Variants in LIN7A observed in about 807,000 individuals in gnomAD.
LIN7A encodes the protein lin-7 cell polarity scaffold A, also known as protein lin-7 homolog A.
In LIN7A, 25 loss-of-function variants were observed where a neutral mutation model predicts 29.8. The ratio of observed to expected loss-of-function variants is 0.84; its 90% CI spans 0.61 to 1.17. The LOEUF (loss-of-function observed/expected upper bound fraction) is 1.17, where lower values mean the gene tolerates loss of function less well. Among genes scored for constraint, LIN7A ranks in the 50% most tolerant of loss-of-function variants. LIN7A has a pLI of 0.00. For synonymous variants in LIN7A, 118 were observed against 107.5 expected (o/e 1.10, Z -0.60); for missense variants, 239 against 287.0 (o/e 0.83, Z 1.21).
At chr12:80,836,935 ATT>A (rs542423797) in intron 4 of LIN7A, among the ~76,000 whole-genome samples, 1 of 142,974 alleles carries the variant, frequency 7.0e-6, no homozygotes, top group African/African-American at 2.5e-5. Flanking sequence ...TTTCACGTAC[ATT>A]TTTTTTTTTT....
chr12:80,819,449 G>T (rs935317706), intron 4 of LIN7A, among the ~76,000 whole-genome samples: 1 of 152,244 alleles, frequency 6.6e-6, no homozygotes, highest in Non-Finnish European at 1.5e-5. Flanking sequence ...TATCACAAGT[G>T]CACTATAATT....
At chr12:80,833,673 T>C (rs1872480245) in intron 4 of LIN7A, among the ~76,000 whole-genome samples, 1 of 152,234 alleles carries the variant, frequency 6.6e-6, no homozygotes, top group Admixed American at 6.5e-5. Context: ...ACTCTTTAGC[T>C]ACAAACATGT....
Position 80,793,993 on chromosome 12 carries a change from A to G in LIN7A, c.*3734T>C, listed in dbSNP as rs952355040. On this transcript the variant is annotated 3_prime_UTR_variant, in exon 6 of 6. Transcript: ENST00000552864. ...AACATTGTTCCTTATCCACTGTTCA[A>G]ATGTCCTCAAATCTTTGAAGCCTTT... The G allele has an allele frequency of 6.6e-6, 1 of 152,190 alleles. No homozygotes were observed. Among genetic ancestry groups the G allele is most frequent in the African/African-American group, 2.4e-5 (1 of 41,458 alleles). 9.4% of individuals were successfully genotyped at this position (152,190 alleles called of 1,614,324 possible).
intron 2 of LIN7A, among the ~76,000 whole-genome samples, chr12:80,888,714 A>C (rs1052078726): frequency 5.9e-5 from 9 of 152,170 alleles, no homozygotes; most frequent in Non-Finnish European, 1.5e-5. Flanking sequence ...ACAAAATTCA[A>C]ATAGTCATTT....
chr12:80,846,910 G>A (rs1394858353), intron 3 of LIN7A, among the ~76,000 whole-genome samples: 4 of 152,142 alleles, frequency 2.6e-5, no homozygotes, highest in African/African-American at 9.7e-5. Flanking sequence ...GATCACAGTT[G>A]ATTAGATGCC....
intron 2 of LIN7A, among the ~76,000 whole-genome samples, chr12:80,887,619 G>C (rs1372050232): frequency 1.3e-5 from 2 of 152,006 alleles, no homozygotes; most frequent in Admixed American, 6.6e-5. Flanking sequence ...TTTTATTGCT[G>C]ATCATATTAA....
intron 4 of LIN7A, among the ~76,000 whole-genome samples, chr12:80,831,464 GT>G (rs1177835992): frequency 6.6e-6 from 1 of 152,034 alleles, no homozygotes; most frequent in Non-Finnish European, 1.5e-5. Context: ...TATTTGATTT[GT>G]TTTATTTACA....
rs1205591411 is a variant in LIN7A at position 80,793,774 on chromosome 12, T to C, written c.*3953A>G. On this transcript the variant is annotated 3_prime_UTR_variant, in exon 6 of 6. Coordinates refer to ENST00000552864, the MANE Select transcript of LIN7A (RefSeq NM_004664.4). ...GTGTCTCCAATTATTATGAATTTCTTAGAGAATGGTTGTTAATAAATATCA... is the reference window on the plus strand; with the variant it reads ...GTGTCTCCAATTATTATGAATTTCTCAGAGAATGGTTGTTAATAAATATCA... The C allele has an allele frequency of 6.6e-6, 1 of 152,172 alleles. No individual in the cohort carries two copies. Among genetic ancestry groups the C allele is most frequent in the African/African-American group, 2.4e-5 (1 of 41,448 alleles). The allele number at this position is 152,172 out of a possible 1,614,324, so 9.4% of individuals were successfully genotyped here.
Position 80,848,064 on chromosome 12 carries a change from A to G in LIN7A, c.273+187T>C, listed in dbSNP as rs1592891513. ...TTCTCCTTTCTTAAGCTACAGAAGCAGCAGAAACGTTCAATTTTCCATTAG... is the reference window on the plus strand; with the variant it reads ...TTCTCCTTTCTTAAGCTACAGAAGCGGCAGAAACGTTCAATTTTCCATTAG... On this transcript the variant is annotated intron_variant, in intron 3 of 5. Transcript: ENST00000552864. 4.4e-6 allele frequency: 3 copies of G among 684,302 alleles called. No individual in the cohort carries two copies. The East Asian group carries it at 8.4e-5, about 19-fold the overall frequency. The allele number at this position is 684,302 out of a possible 1,614,324, so 42.4% of individuals were successfully genotyped here. A position where few individuals can be genotyped will look rare whatever the true frequency, so the allele number is the denominator to read the frequency against.
At chr12:80,887,965 T>G (rs552490474) in intron 2 of LIN7A, among the ~76,000 whole-genome samples, 1 of 152,194 alleles carries the variant, frequency 6.6e-6, no homozygotes, top group East Asian at 1.9e-4. Context: ...AATTTGGCCT[T>G]GGTCTACAGA....
chr12:80,884,956 G>T (rs769897932), intron 2 of LIN7A, among the ~76,000 whole-genome samples: 1 of 152,084 alleles, frequency 6.6e-6, no homozygotes, highest in African/African-American at 2.4e-5. Flanking sequence ...GCAGGAGCAT[G>T]AATATTTTAC....
intron 4 of LIN7A, among the ~76,000 whole-genome samples, chr12:80,818,484 C>G (rs1871640944): frequency 6.6e-6 from 1 of 152,134 alleles, no homozygotes; most frequent in Non-Finnish European, 1.5e-5. Flanking sequence ...AACAGATCAA[C>G]CTGAAATGAG....
chr12:80,876,776 G>A (rs1874724728), intron 2 of LIN7A, among the ~76,000 whole-genome samples: 1 of 152,204 alleles, frequency 6.6e-6, no homozygotes, highest in African/African-American at 2.4e-5. Context: ...GTTTGACAGT[G>A]TATAAATTGG....
chr12:80,805,758 G>A (rs780611969), intron 5 of LIN7A, among the ~76,000 whole-genome samples: 7 of 151,934 alleles, frequency 4.6e-5, no homozygotes, highest in Admixed American at 1.3e-4. Flanking sequence ...CAGAATTCCC[G>A]TGTTGTGGAA....
Position 80,889,124 on chromosome 12 carries a change from T to C in LIN7A, c.201+127A>G, listed in dbSNP as rs1022896718. On this transcript the variant is annotated intron_variant, in intron 2 of 5. Coordinates refer to ENST00000552864, the MANE Select transcript of LIN7A (RefSeq NM_004664.4). ...AATTATATTTTATCATCTGTCCAAGTAGCTAAAAACAGAAAATTAAAATGT... is the reference window on the plus strand; with the variant it reads ...AATTATATTTTATCATCTGTCCAAGCAGCTAAAAACAGAAAATTAAAATGT... 1.8e-5 allele frequency: 12 copies of C among 682,586 alleles called. No homozygotes were observed. The Admixed American group carries it at 3.1e-4, about 17-fold the overall frequency. The allele number at this position is 682,586 out of a possible 1,614,324, so 42.3% of individuals were successfully genotyped here. A position where few individuals can be genotyped will look rare whatever the true frequency, so the allele number is the denominator to read the frequency against.
Position 80,845,819 on chromosome 12 carries a change from TG to T in LIN7A, c.393del (p.Ile132PhefsTer6). On this transcript the variant is annotated frameshift_variant, in exon 4 of 6. Coordinates refer to ENST00000552864, the MANE Select transcript of LIN7A (RefSeq NM_004664.4). LOFTEE classifies it high-confidence loss of function. ...CCAGGAATTATGCGAGAGATATAAA[TG>T]GGGGAATTTTGCTCCTTTCCTCCCA... ...NVMGGKEQNS[P>X]IYISRIIPGG... The T allele has an allele frequency of 1.9e-6, 3 of 1,613,818 alleles. No homozygotes were observed. The highest frequency in any genetic ancestry group is 2.5e-6 in the Non-Finnish European group (3 of 1,179,934).
intron 1 of LIN7A, among the ~76,000 whole-genome samples, chr12:80,906,800 A>T (rs879790965): frequency 1.3e-5 from 2 of 152,108 alleles, no homozygotes; most frequent in Non-Finnish European, 2.9e-5. Context: ...AAACCTGCAT[A>T]TGCATCCCTT....
intron 5 of LIN7A, among the ~76,000 whole-genome samples, chr12:80,801,223 C>T (rs1870705933): frequency 6.6e-6 from 1 of 152,092 alleles, no homozygotes; most frequent in African/African-American, 2.4e-5. Flanking sequence ...GAAAAAGTGT[C>T]ACTTTCATAC....
intron 1 of LIN7A, among the ~76,000 whole-genome samples, chr12:80,892,167 C>A (rs1875658156): frequency 6.6e-6 from 1 of 152,204 alleles, no homozygotes; most frequent in Non-Finnish European, 1.5e-5. Flanking sequence ...GTATACAATT[C>A]TTCAGATGTC....
Sources: gnomAD v4.1 joint callset for allele counts (sites outside exome capture counted in the v4.1 genomes callset) on GRCh38, gnomAD v4.1.1 for gene constraint, MANE v1.5 for transcripts, NCBI Gene and HGNC (gene_info 2026-07-23, HGNC 2026-07-21) for gene names.